The following DDX31 variants were observed in gnomAD, a reference collection of about 807,000 sequenced individuals.
The protein encoded by DDX31 is DEAD-box helicase 31.
DDX31 carries 70 observed loss-of-function variants against 91.3 expected under a neutral mutation model. The ratio of observed to expected loss-of-function variants is 0.77; its 90% CI spans 0.63 to 0.94. The LOEUF is 0.94. DDX31 is among the 40% of genes least tolerant of loss of function. The pLI, the probability that DDX31 is intolerant of heterozygous loss-of-function variation, is 0.00. For missense variants in DDX31, 902 were observed against 925.0 expected (o/e 0.98, Z 0.32); for synonymous variants, 362 against 350.6 (o/e 1.03, Z -0.36).
At chr9:132,637,900 G>A (rs965918478) in intron 14 of DDX31, 1 of 991,294 alleles carries the variant, frequency 1.0e-6, no homozygotes, top group African/African-American at 1.7e-5. Flanking sequence ...ACACAGAACT[G>A]ACATTGTGAC....
chr9:132,633,065 C>A (rs866335652), intron 14 of DDX31, among the ~76,000 whole-genome samples: 2 of 152,318 alleles, frequency 1.3e-5, no homozygotes, highest in Middle Eastern at 6.8e-3. Flanking sequence ...CCTGCGTTAT[C>A]TTGACTAATC....
chr9:132,636,218 T>C (rs1047024616), intron 14 of DDX31, among the ~76,000 whole-genome samples: 3 of 152,234 alleles, frequency 2.0e-5, no homozygotes, highest in African/African-American at 7.2e-5. Context: ...CCACAGGCTC[T>C]GGAAGCTGAA....
In DDX31 at chr9:132,664,695, T is replaced by C. The variant is rs115112117; in HGVS notation, c.76-2000A>G. 6.3e-5 allele frequency among the ~76,000 whole-genome samples: 8 copies of C among 127,592 alleles called. No individual in the cohort carries two copies. The East Asian group carries it at 9.0e-4, about 14-fold the overall frequency. 83.7% of individuals were successfully genotyped at this position (127,592 alleles called of 152,430 possible). On this transcript the variant is annotated intron_variant, in intron 1 of 19. Coordinates refer to ENST00000372159, the MANE Select transcript of DDX31 (RefSeq NM_022779.9). ...TGATGCCACTGCTCTCCAGCCTGGG[T>C]GACAGAGTAAGACCCTCGCTCAAAA...
chr9:132,595,096 T>C lies in DDX31; in HGVS notation c.2011A>G (p.Lys671Glu). Reference protein sequence around the residue: ...AHVKRPDLHKKTQSKHSLAEI... With the variant: ...AHVKRPDLHKETQSKHSLAEI... Reference sequence around the variant, plus strand: ...GCGAGGCTGTGTTTACTCTGGGTCTTCTTATGAAGGTCAGGCCTGAAGAAC... The same window carrying C: ...GCGAGGCTGTGTTTACTCTGGGTCTCCTTATGAAGGTCAGGCCTGAAGAAC... Residue 671 changes from lysine to glutamate, a missense_variant, in exon 20 of 20, where the codon AAG becomes GAG. By Grantham distance (56) the Lys-to-Glu change is moderately conservative. Transcript: ENST00000372159. This position sits in a 1 kb window ranked among gnomAD's most constrained non-coding sequence, Gnocchi z 4.6. 6.2e-7 allele frequency: 1 copy of C among 1,614,120 alleles called. No individual in the cohort carries two copies. Among genetic ancestry groups the C allele is most frequent in the Non-Finnish European group, 8.5e-7 (1 of 1,179,980 alleles).
rs1385890294 is a variant in DDX31 at position 132,669,873 on chromosome 9, G to A, written c.62C>T (p.Ala21Val). ...NPRTFSRRPP[A>V]QASRQAKATK... ...GTCAGAACTCACCCGACTCGCCTGGGCTGGGGGACGTCTGGAGAACGTCCT... is the reference window on the plus strand; with the variant it reads ...GTCAGAACTCACCCGACTCGCCTGGACTGGGGGACGTCTGGAGAACGTCCT... The change falls in exon 1 of 20, where the codon GCC becomes GTC. Residue 21 changes from alanine (A) to valine (V), a missense_variant. By Grantham distance (64) the Ala-to-Val change is moderately conservative. Transcript: ENST00000372159. 14 of 1,591,378 alleles carry A rather than the reference G, an allele frequency of 8.8e-6. No individual in the cohort carries two copies. The highest frequency in any genetic ancestry group is 1.3e-5 in the African/African-American group (1 of 74,764).
chr9:132,650,133 T>C (rs1307583417), intron 9 of DDX31, 101 bp downstream of exon 9: 15 of 1,177,190 alleles, frequency 1.3e-5, no homozygotes, highest in South Asian at 5.0e-5. Context: ...AAGCAGAGCC[T>C]GAGACAAAGC....
chr9:132,636,808 A>T (rs978780403), intron 14 of DDX31, among the ~76,000 whole-genome samples: 3 of 152,172 alleles, frequency 2.0e-5, no homozygotes, highest in Non-Finnish European at 4.4e-5. Context: ...GGAGAAAGAA[A>T]GGCAAGTCCT....
chr9:132,641,906 G>A, intron 14 of DDX31, 98 bp downstream of exon 14: 1 of 1,316,952 alleles, frequency 7.6e-7, no homozygotes, highest in South Asian at 1.2e-5. Context: ...CCTGGGCCCT[G>A]TAGGACTGAC....
At chr9:132,610,627 C>A (rs1831269188) in intron 19 of DDX31, among the ~76,000 whole-genome samples, 1 of 147,506 alleles carries the variant, frequency 6.8e-6, no homozygotes, top group Non-Finnish European at 1.5e-5. Context: ...ATTCACAAGT[C>A]ACCTCATCTT....
intron 1 of DDX31, 60 bp downstream of exon 1, chr9:132,669,800 G>A: frequency 1.3e-6 from 2 of 1,522,174 alleles, no homozygotes; most frequent in East Asian, 2.4e-5. Flanking sequence ...GCTGCAGCTC[G>A]CGGCGCGCCC....
At chr9:132,632,950 C>T (rs764213439) in intron 14 of DDX31, among the ~76,000 whole-genome samples, 1 of 152,170 alleles carries the variant, frequency 6.6e-6, no homozygotes, top group Non-Finnish European at 1.5e-5. Flanking sequence ...TAGCATACAT[C>T]TGTACTCAGC....
chr9:132,621,368 C>A (rs1832021734), intron 17 of DDX31, among the ~76,000 whole-genome samples: 1 of 152,136 alleles, frequency 6.6e-6, no homozygotes, highest in Non-Finnish European at 1.5e-5. Context: ...TGAGTGCTTC[C>A]CAGTAAAGTT....
At chr9:132,606,527 G>A (rs1468435120) in intron 19 of DDX31, among the ~76,000 whole-genome samples, 1 of 152,210 alleles carries the variant, frequency 6.6e-6, no homozygotes, top group Admixed American at 6.5e-5. Context: ...GAAGCAATGC[G>A]ACAATATGGT....
chr9:132,628,802 A>G (rs1163811929), intron 16 of DDX31, among the ~76,000 whole-genome samples: 1 of 152,264 alleles, frequency 6.6e-6, no homozygotes, highest in African/African-American at 2.4e-5. Context: ...AGAAGTGTGA[A>G]GCGACTGACA....
chr9:132,598,643 C>A (rs1830569390), intron 19 of DDX31, among the ~76,000 whole-genome samples: 1 of 152,240 alleles, frequency 6.6e-6, no homozygotes, highest in Admixed American at 6.5e-5. Flanking sequence ...TTTATCATTA[C>A]ATTCTCACAA....
chr9:132,633,543 A>G (rs2130685197), intron 14 of DDX31, among the ~76,000 whole-genome samples: 1 of 152,162 alleles, frequency 6.6e-6, no homozygotes, highest in East Asian at 1.9e-4. Flanking sequence ...AAGAACAAAG[A>G]TTTCTATATA....
At chr9:132,632,297 C>CACACACACACACACACACACAT (rs1564306019) in intron 14 of DDX31, among the ~76,000 whole-genome samples, 2 of 132,326 alleles carry the variant, frequency 1.5e-5, no homozygotes, top group African/African-American at 3.0e-5. Flanking sequence ...CACACACACA[C>CACACACACACACACACACACAT]AGTCCTGCAT....
intron 1 of DDX31, 35 bp from the exon 2 acceptor site, chr9:132,662,730 A>G (rs755403489): frequency 2.5e-6 from 4 of 1,612,898 alleles, no homozygotes; most frequent in Non-Finnish European, 3.4e-6. Flanking sequence ...TCAACAAGAG[A>G]TGCATTAGTC....
chr9:132,669,915 G>A lies in DDX31; in HGVS notation c.20C>T (p.Ser7Leu). 1 of 1,596,086 alleles carries A rather than the reference G, an allele frequency of 6.3e-7. No homozygotes were observed. Among genetic ancestry groups the A allele is most frequent in the South Asian group, 1.1e-5 (1 of 88,172 alleles). The change falls in exon 1 of 20, where the codon TCG becomes TTG. Residue 7 changes from serine to leucine, a missense_variant. Ser to Leu is a moderately radical substitution (Grantham distance 145). Transcript: ENST00000372159. ...GAACGTCCTGGGGTTGTCGAAGAGCGAACCGTCGGCGGCTGCCATGGTCTG... is the reference window on the plus strand; with the variant it reads ...GAACGTCCTGGGGTTGTCGAAGAGCAAACCGTCGGCGGCTGCCATGGTCTG... MAAADG[S>L]LFDNPRTFSR...
Sources: gnomAD v4.1 joint callset for allele counts (sites outside exome capture counted in the v4.1 genomes callset) on GRCh38, gnomAD v4.1.1 for gene constraint, Gnocchi (gnomAD v3.1) non-coding constraint, MANE v1.5 for transcripts, NCBI Gene and HGNC (gene_info 2026-07-23, HGNC 2026-07-21) for gene names.